ANXA8: variants seen among roughly 807,000 people sequenced by gnomAD.
The protein encoded by ANXA8 is VAC-beta.
In ANXA8, 9 loss-of-function variants were observed where a neutral mutation model predicts 26.8. The ratio of observed to expected loss-of-function variants is 0.34; its 90% confidence interval spans 0.20 to 0.59. ANXA8 has a LOEUF of 0.59. ANXA8 is among the 20% of genes least tolerant of loss of function. The pLI is 0.84. For missense variants in ANXA8, 83 were observed against 238.5 expected (o/e 0.35, Z 4.29); for synonymous variants, 39 against 94.8 (o/e 0.41, Z 3.42).
chr10:47,733,167 T>C, the ANXA8 span, among the ~76,000 whole-genome samples: 6 of 99,652 alleles, frequency 6.0e-5, no homozygotes, highest in Non-Finnish European at 1.1e-4. Flanking sequence ...CTTTCTTTCT[T>C]TCTTTCTTTC....
the ANXA8 span, among the ~76,000 whole-genome samples, chr10:47,681,281 G>GT: frequency 3.3e-5 from 5 of 151,898 alleles, no homozygotes; most frequent in East Asian, 9.7e-4. Context: ...TTTTGGCCTG[G>GT]GGAATTGGGA....
chr10:47,682,672 G>A, the ANXA8 span, among the ~76,000 whole-genome samples: 7 of 151,678 alleles, frequency 4.6e-5, 1 homozygote, highest in East Asian at 1.9e-4. Flanking sequence ...GGGTTTTGTC[G>A]TGTTAGCCAG....
At chr10:47,928,814 G>T in the ANXA8 span, among the ~76,000 whole-genome samples, 1 of 118,224 alleles carries the variant, frequency 8.5e-6, no homozygotes, top group African/African-American at 3.3e-5. Context: ...GGAATGCAGT[G>T]GCATGAACAT....
chr10:47,713,147 GT>G, the ANXA8 span, among the ~76,000 whole-genome samples: 2 of 138,762 alleles, frequency 1.4e-5, no homozygotes, highest in African/African-American at 5.3e-5. Context: ...AACATGGTCA[GT>G]CTTGTTTCAC....
chr10:47,487,626 G>A (rs1477336094), upstream of ANXA8, among the ~76,000 whole-genome samples: 53 of 138,306 alleles, frequency 3.8e-4, no homozygotes, highest in African/African-American at 1.3e-3. Context: ...ATCTACTCAT[G>A]GGTACATTGC....
chr10:47,945,548 C>G, the ANXA8 span, among the ~76,000 whole-genome samples: 1 of 148,622 alleles, frequency 6.7e-6, no homozygotes, highest in Non-Finnish European at 1.5e-5. Flanking sequence ...CAGAGAGGGA[C>G]AGCCTGAGTT....
the ANXA8 span, among the ~76,000 whole-genome samples, chr10:47,955,335 G>T: frequency 6.6e-6 from 1 of 150,478 alleles, no homozygotes; most frequent in Non-Finnish European, 1.5e-5. Context: ...GCTTGAAAAT[G>T]GATTAATACA....
At chr10:47,742,983 T>C in the ANXA8 span, among the ~76,000 whole-genome samples, 2 of 118,760 alleles carry the variant, frequency 1.7e-5, no homozygotes, top group East Asian at 3.0e-4. Context: ...TGAAACCCCG[T>C]CTCTACTAAA....
chr10:47,650,643 A>G, the ANXA8 span, among the ~76,000 whole-genome samples: 22 of 143,406 alleles, frequency 1.5e-4, no homozygotes, highest in Admixed American at 4.1e-4. Context: ...CGTCTCTACT[A>G]AAAATAGAAA....
the ANXA8 span, among the ~76,000 whole-genome samples, chr10:47,671,671 G>C: frequency 4.0e-5 from 6 of 151,618 alleles, no homozygotes; most frequent in Admixed American, 6.6e-5. Flanking sequence ...CTTAGATGCT[G>C]TTTTGGAAGG....
chr10:47,651,294 A>T, the ANXA8 span, among the ~76,000 whole-genome samples: 1 of 149,596 alleles, frequency 6.7e-6, no homozygotes, highest in Admixed American at 6.6e-5. Context: ...AAAAAAAAAA[A>T]AAACCCAAAA....
At chr10:47,769,450 T>C in the ANXA8 span, among the ~76,000 whole-genome samples, 4 of 148,784 alleles carry the variant, frequency 2.7e-5, no homozygotes, top group African/African-American at 1.0e-4. Flanking sequence ...AACTCAAGTT[T>C]GCAGATTTGA....
the ANXA8 span, among the ~76,000 whole-genome samples, chr10:47,950,544 T>G: frequency 6.7e-6 from 1 of 148,912 alleles, no homozygotes. Context: ...TGTTTCCAAC[T>G]GAACACAAAA....
chr10:47,986,092 T>G, the ANXA8 span: 2 of 150,934 alleles, frequency 1.3e-5, no homozygotes, highest in African/African-American at 4.9e-5. Context: ...TTTTCACCTC[T>G]TTATCCTTGG....
At chr10:47,668,217 T>C in the ANXA8 span, among the ~76,000 whole-genome samples, 3 of 151,342 alleles carry the variant, frequency 2.0e-5, no homozygotes, top group Non-Finnish European at 4.4e-5. Flanking sequence ...ATCTCTTTGA[T>C]TCCTTATTCT....
chr10:47,474,252 C>T (rs1839424525), intron 8 of ANXA8, 53 bp downstream of exon 8: 26 of 1,581,440 alleles, frequency 1.6e-5, no homozygotes, highest in South Asian at 1.1e-4. Context: ...GGGAGAGGCT[C>T]ATGGCCAGGA....
the ANXA8 span, among the ~76,000 whole-genome samples, chr10:47,684,224 A>C: frequency 6.6e-6 from 1 of 152,230 alleles, no homozygotes; most frequent in African/African-American, 2.4e-5. Flanking sequence ...TCAGTTGTCC[A>C]TAACTTTTCT....
chr10:47,976,543 TTACACACACACACACACAC>T, the ANXA8 span, among the ~76,000 whole-genome samples: 1 of 92,482 alleles, frequency 1.1e-5, no homozygotes. Context: ...ACCTCTGTCT[TTACACACACACACACACAC>T]ACACACACAC....
chr10:47,557,468 TAA>T, the ANXA8 span, among the ~76,000 whole-genome samples: 1 of 150,348 alleles, frequency 6.7e-6, no homozygotes, highest in African/African-American at 2.5e-5. Flanking sequence ...CATTTTAAAT[TAA>T]GTTACGCTAC....
Sources: gnomAD v4.1 joint callset for allele counts (sites outside exome capture counted in the v4.1 genomes callset) on GRCh38, gnomAD v4.1.1 for gene constraint, MANE v1.5 for transcripts, NCBI Gene and HGNC (gene_info 2026-07-23, HGNC 2026-07-21) for gene names.